The following FEZF2 variants were observed in gnomAD, a reference collection of about 807,000 sequenced individuals.
FEZF2 encodes fez family zinc finger protein 2.
Under a neutral mutation model 32.8 loss-of-function variants are expected in FEZF2, and 2 were observed. The ratio of observed to expected loss-of-function variants is 0.06; its 90% CI spans 0.02 to 0.19. FEZF2 has a LOEUF of 0.19. Ranked by LOEUF, FEZF2 falls within the 10% of genes least tolerant of loss-of-function variation. FEZF2 has a pLI of 1.00. For missense variants in FEZF2, 516 were observed against 625.4 expected (o/e 0.83, Z 1.87); for synonymous variants, 322 against 284.8 (o/e 1.13, Z -1.32).
Position 62,370,075 on chromosome 3 carries a change from A to C in FEZF2, c.*8T>G. ...ACAGGGAGGGAAGGAAGGGCAAGGC[A>C]GTAGCTCTCAGCTCTGCACTGTCCT... is the stretch of plus-strand genomic sequence containing the variant. On this transcript the variant is annotated 3_prime_UTR_variant, in exon 5 of 5. Transcript: ENST00000283268. The surrounding 1 kb of genome is among the most constrained non-coding windows in gnomAD (Gnocchi z 4.2). 6.2e-7 allele frequency: 1 copy of C among 1,612,874 alleles called. No individual in the cohort carries two copies. The highest frequency in any genetic ancestry group is 8.5e-7 in the Non-Finnish European group (1 of 1,178,896).
intron 4 of FEZF2, 135 bp downstream of exon 4, chr3:62,371,082 A>C: frequency 7.4e-7 from 1 of 1,343,108 alleles, no homozygotes; most frequent in South Asian, 1.3e-5. Flanking sequence ...GCACAACCCG[A>C]TTCTAAAGAA....
At chr3:62,371,792 G>C in intron 2 of FEZF2, 125 bp from the exon 3 acceptor site, 1 of 1,454,018 alleles carries the variant, frequency 6.9e-7, no homozygotes, top group Non-Finnish European at 9.2e-7. Flanking sequence ...TTTTCAGTTT[G>C]TAAAGTGCTG....
rs1442339569 is a variant in FEZF2 at position 62,370,040 on chromosome 3, T to G, written c.*43A>C. On this transcript the variant is annotated 3_prime_UTR_variant, in exon 5 of 5. Transcript: ENST00000283268. This position sits in a 1 kb window ranked among gnomAD's most constrained non-coding sequence, Gnocchi z 4.2. ...AATAAGTTTATATGTGTGATCTGTT[T>G]TCAGGTGGTACAGGGAGGGAAGGAA... 1 of 1,602,888 alleles carries G rather than the reference T, an allele frequency of 6.2e-7. No homozygotes were observed.
At position 62,369,962 on chromosome 3, in the gene FEZF2, G is replaced by A. The variant is rs902552065; in HGVS notation, c.*121C>T. 2.4e-6 allele frequency: 3 copies of A among 1,248,126 alleles called. No individual in the cohort carries two copies. In the African/African-American group the frequency reaches 4.5e-5, roughly 19 times the overall value. The allele number at this position is 1,248,126 out of a possible 1,614,324, so 77.3% of individuals were successfully genotyped here. Reference sequence around the variant, plus strand: ...AGCTTTCCAAAAATATGCTGGTTTCGATAAATAGATTTTAGCCTCTCTGCT... The same window carrying A: ...AGCTTTCCAAAAATATGCTGGTTTCAATAAATAGATTTTAGCCTCTCTGCT... On this transcript the variant is annotated 3_prime_UTR_variant, in exon 5 of 5. Coordinates refer to ENST00000283268, the MANE Select transcript of FEZF2 (RefSeq NM_018008.4). The surrounding 1 kb of genome is among the most constrained non-coding windows in gnomAD (Gnocchi z 4.2).
At chr3:62,371,128 C>T in intron 4 of FEZF2, 89 bp downstream of exon 4, 1 of 1,598,374 alleles carries the variant, frequency 6.3e-7, no homozygotes, top group Non-Finnish European at 8.6e-7. Flanking sequence ...CGCCTTCTCT[C>T]TCCAGATCCC....
Position 62,370,000 on chromosome 3 carries a change from TC to T in FEZF2, c.*82del. On this transcript the variant is annotated 3_prime_UTR_variant, in exon 5 of 5. Transcript: ENST00000283268. This position sits in a 1 kb window ranked among gnomAD's most constrained non-coding sequence, Gnocchi z 4.2. Reference sequence around the variant, plus strand: ...TAGCCTCTCTGCTATAGTTTTTTTTTCTTTTAATTTTAGAAATAAGTTTATA... The same window carrying T: ...TAGCCTCTCTGCTATAGTTTTTTTTTTTTTAATTTTAGAAATAAGTTTATA... The T allele has an allele frequency of 6.9e-7, 1 of 1,453,004 alleles. No homozygotes were observed. The highest frequency in any genetic ancestry group is 9.2e-7 in the Non-Finnish European group (1 of 1,090,828). 90.0% of individuals were successfully genotyped at this position (1,453,004 alleles called of 1,614,324 possible). A position where few individuals can be genotyped will look rare whatever the true frequency, so the allele number is the denominator to read the frequency against.
In FEZF2 at chr3:62,372,836, C is replaced by A; in HGVS notation, c.33G>T (p.Val11=). MASSASLETM[V]PPACPRAGAS... The stretch of plus-strand genomic sequence containing the variant: ...CTCCGGCGCGCGGGCAGGCCGGGGG[C>A]ACCATGGTCTCCAGGGAAGCCGAGC... Residue 11 remains valine (V), a synonymous_variant, in exon 2 of 5, where the codon GTG becomes GTT. Coordinates refer to ENST00000283268, the MANE Select transcript of FEZF2 (RefSeq NM_018008.4). The surrounding 1 kb of genome is among the most constrained non-coding windows in gnomAD (Gnocchi z 9.6). 2 of 1,499,252 alleles carry A rather than the reference C, an allele frequency of 1.3e-6. No homozygotes were observed. Among genetic ancestry groups the A allele is most frequent in the Non-Finnish European group, 1.8e-6 (2 of 1,117,230 alleles). 92.9% of individuals were successfully genotyped at this position (1,499,252 alleles called of 1,614,324 possible).
rs1234024886 is a variant in FEZF2 at position 62,370,718 on chromosome 3, T to C, written c.1121-376A>G. Among the ~76,000 whole-genome samples the C allele has an allele frequency of 6.6e-6, 1 of 152,192 alleles. No individual in the cohort carries two copies. Among genetic ancestry groups the C allele is most frequent in the Non-Finnish European group, 1.5e-5 (1 of 68,022 alleles). ...GCACGAACCCGGGCTTCATCCTTTT[T>C]CTTTTCCCCCTTCTCATTTTTAAAG... On this transcript the variant is annotated intron_variant, in intron 4 of 4. Transcript: ENST00000283268. The surrounding 1 kb of genome is among the most constrained non-coding windows in gnomAD (Gnocchi z 4.2).
In FEZF2 at chr3:62,372,548, G is replaced by GCCGCCT. The variant is rs767775597; in HGVS notation, c.315_320dup (p.Gly116_Gly117dup). ...CGCCGCCGCCGCCGCCACCGCCGCCGCCGCCTCCGCCGCCGCCCGCCCGGA... is the reference window on the plus strand; with the variant it reads ...CGCCGCCGCCGCCGCCACCGCCGCCGCCGCCTCCGCCTCCGCCGCCGCCCGCCCGGA... On this transcript the variant is annotated inframe_insertion, in exon 2 of 5. Coordinates refer to ENST00000283268, the MANE Select transcript of FEZF2 (RefSeq NM_018008.4). The surrounding 1 kb of genome is among the most constrained non-coding windows in gnomAD (Gnocchi z 9.6). 1.6e-3 allele frequency: 2,162 copies of GCCGCCT among 1,345,634 alleles called. 6 individuals carry two copies. Among genetic ancestry groups the GCCGCCT allele is most frequent in the Non-Finnish European group, 1.4e-3 (1,497 of 1,049,964 alleles). The allele number at this position is 1,345,634 out of a possible 1,614,324, so 83.4% of individuals were successfully genotyped here. A position where few individuals can be genotyped will look rare whatever the true frequency, so the allele number is the denominator to read the frequency against.
rs906345414 is a variant in FEZF2 at position 62,373,169 on chromosome 3, A to T, written c.-59+110T>A. On this transcript the variant is annotated intron_variant, in intron 1 of 4. Coordinates refer to ENST00000283268, the MANE Select transcript of FEZF2 (RefSeq NM_018008.4). The surrounding 1 kb of genome is among the most constrained non-coding windows in gnomAD (Gnocchi z 5.5). ...GGGGGGCGGTGAGAAAAGAGTCTCAAATTAACCCCCCTGAGCCCTTCCCTG... is the reference window on the plus strand; with the variant it reads ...GGGGGGCGGTGAGAAAAGAGTCTCATATTAACCCCCCTGAGCCCTTCCCTG... 1 of 323,774 alleles carries T rather than the reference A, an allele frequency of 3.1e-6. No individual in the cohort carries two copies. The highest frequency in any genetic ancestry group is 5.6e-6 in the Non-Finnish European group (1 of 178,876). 20.1% of individuals were successfully genotyped at this position (323,774 alleles called of 1,614,324 possible).
Position 62,370,298 on chromosome 3 carries a change from A to G in FEZF2, c.1165T>C (p.Tyr389His), listed in dbSNP as rs1704250751. The change falls in exon 5 of 5, where the codon TAC (tyrosine) becomes CAC (histidine). Residue 389 changes from tyrosine to histidine, a missense_variant. This residue lies in a region of FEZF2 where 79 missense variants were observed against 219.4 expected (regional missense o/e 0.36). Coordinates refer to ENST00000283268, the MANE Select transcript of FEZF2 (RefSeq NM_018008.4). This position sits in a 1 kb window ranked among gnomAD's most constrained non-coding sequence, Gnocchi z 4.2. ...HKLTHSGEKQ[Y>H]KCTICNKAFH... is the part of the protein sequence containing the mutation. ...GCCTTGTTGCAGATGGTACATTTGT[A>G]CTGCTTCTCGCCGCTGTGGGTCAGC... 1 of 1,614,224 alleles carries G rather than the reference A, an allele frequency of 6.2e-7. No homozygotes were observed. The highest frequency in any genetic ancestry group is 8.5e-7 in the Non-Finnish European group (1 of 1,180,042).
intron 2 of FEZF2, 120 bp from the exon 3 acceptor site, chr3:62,371,787 A>T: frequency 6.8e-7 from 1 of 1,462,848 alleles, no homozygotes; most frequent in Admixed American, 2.3e-5. Flanking sequence ...AGCCTTTTTC[A>T]GTTTGTAAAG....
Position 62,372,550 on chromosome 3 carries a change from C to A in FEZF2, c.319G>T (p.Gly107Cys). Residue 107 changes from glycine to cysteine, a missense_variant, in exon 2 of 5, where the codon GGC (glycine) becomes TGC (cysteine). Physicochemically the swap from Gly to Cys is radical, Grantham distance 159. Coordinates refer to ENST00000283268, the MANE Select transcript of FEZF2 (RefSeq NM_018008.4). This position sits in a 1 kb window ranked among gnomAD's most constrained non-coding sequence, Gnocchi z 9.6. ...CCGCCGCCGCCGCCACCGCCGCCGC[C>A]GCCTCCGCCGCCGCCCGCCCGGAGG... ...SSLRAGGGGG[G>C]GGGGGGGGGG... 1 of 1,352,146 alleles carries A rather than the reference C, an allele frequency of 7.4e-7. No individual in the cohort carries two copies. The highest frequency in any genetic ancestry group is 9.5e-7 in the Non-Finnish European group (1 of 1,053,642). 83.8% of individuals were successfully genotyped at this position (1,352,146 alleles called of 1,614,324 possible).
chr3:62,372,520 CCCCG>C lies in FEZF2; in HGVS notation c.345_348del (p.Gly117ProfsTer129). 2 of 1,303,002 alleles carry C rather than the reference CCCCG, an allele frequency of 1.5e-6. No individual in the cohort carries two copies. The highest frequency in any genetic ancestry group is 9.7e-7 in the Non-Finnish European group (1 of 1,027,584). The allele number at this position is 1,303,002 out of a possible 1,614,324, so 80.7% of individuals were successfully genotyped here. On this transcript the variant is annotated frameshift_variant, in exon 2 of 5. Coordinates refer to ENST00000283268, the MANE Select transcript of FEZF2 (RefSeq NM_018008.4). LOFTEE classifies it high-confidence loss of function. The surrounding 1 kb of genome is among the most constrained non-coding windows in gnomAD (Gnocchi z 9.6). ...CCGCTGGCGCCGCACACTGGGGCCCCCCCGCCGCCGCCGCCGCCACCGCCGCCGC... is the reference window on the plus strand; with the variant it reads ...CCGCTGGCGCCGCACACTGGGGCCCCCCGCCGCCGCCGCCACCGCCGCCGC...
rs1489955812 is a variant in FEZF2, at chr3:62,373,021, A to C, written c.-58-95T>G. The C allele has an allele frequency of 5.8e-6, 4 of 688,960 alleles. No individual in the cohort carries two copies. The East Asian group carries it at 1.0e-4, about 18-fold the overall frequency. The allele number at this position is 688,960 out of a possible 1,614,324, so 42.7% of individuals were successfully genotyped here. A position where few individuals can be genotyped will look rare whatever the true frequency, so the allele number is the denominator to read the frequency against. Reference sequence around the variant, plus strand: ...TTTGCATTCAAATGAACAGGGGCAAAACAAAGTGCACCCAAGGGTACCAAA... The same window carrying C: ...TTTGCATTCAAATGAACAGGGGCAACACAAAGTGCACCCAAGGGTACCAAA... On this transcript the variant is annotated intron_variant, in intron 1 of 4. Coordinates refer to ENST00000283268, the MANE Select transcript of FEZF2 (RefSeq NM_018008.4). This position sits in a 1 kb window ranked among gnomAD's most constrained non-coding sequence, Gnocchi z 5.5.
chr3:62,371,538 T>C lies in FEZF2; in HGVS notation c.982A>G (p.Thr328Ala). The C allele has an allele frequency of 6.2e-7, 1 of 1,611,392 alleles. No homozygotes were observed. The highest frequency in any genetic ancestry group is 8.5e-7 in the Non-Finnish European group (1 of 1,178,748). The change falls in exon 3 of 5, where the codon ACC becomes GCC. Residue 328 changes from threonine to alanine, a missense_variant. Physicochemically the swap from Thr to Ala is moderately conservative, Grantham distance 58 (BLOSUM62 0). Transcript: ENST00000283268. The part of the protein sequence containing the change: ...STLCRHKIIH[T>A]QEKPHKCNQC... ...CCGACCCGGGGGCCACGTACCTGGG[T>C]GTGGATAATTTTGTGCCTGCAGAGC...
intron 2 of FEZF2, 138 bp downstream of exon 2, chr3:62,371,879 C>A (rs1704274825): frequency 7.1e-7 from 1 of 1,416,634 alleles, no homozygotes. Context: ...GAAACTGAGG[C>A]CCAACGAGGC....
intron 4 of FEZF2, 152 bp downstream of exon 4, chr3:62,371,065 A>G: frequency 8.5e-7 from 1 of 1,171,998 alleles, no homozygotes; most frequent in South Asian, 1.4e-5. Context: ...GCTTCCCCCT[A>G]CACCAGGCAC....
Position 62,370,074 on chromosome 3 carries a change from C to G in FEZF2, c.*9G>C. Reference sequence around the variant, plus strand: ...TACAGGGAGGGAAGGAAGGGCAAGGCAGTAGCTCTCAGCTCTGCACTGTCC... The same window carrying G: ...TACAGGGAGGGAAGGAAGGGCAAGGGAGTAGCTCTCAGCTCTGCACTGTCC... On this transcript the variant is annotated 3_prime_UTR_variant, in exon 5 of 5. Coordinates refer to ENST00000283268, the MANE Select transcript of FEZF2 (RefSeq NM_018008.4). This position sits in a 1 kb window ranked among gnomAD's most constrained non-coding sequence, Gnocchi z 4.2. 2 of 1,612,700 alleles carry G rather than the reference C, an allele frequency of 1.2e-6. No individual in the cohort carries two copies. Among genetic ancestry groups the G allele is most frequent in the Non-Finnish European group, 1.7e-6 (2 of 1,178,842 alleles).
Sources: gnomAD v4.1 joint callset for allele counts (sites outside exome capture counted in the v4.1 genomes callset) on GRCh38, gnomAD v4.1.1 for gene constraint, gnomAD v4.1.1 regional missense constraint, Gnocchi (gnomAD v3.1) non-coding constraint, MANE v1.5 for transcripts, NCBI Gene and HGNC (gene_info 2026-07-23, HGNC 2026-07-21) for gene names.